KLHL23: variants seen among roughly 807,000 people sequenced by gnomAD.
KLHL23 encodes kelch like family member 23.
In KLHL23, 33 loss-of-function variants were observed where a neutral mutation model predicts 48.9. The ratio of observed to expected loss-of-function variants is 0.67; its 90% confidence interval spans 0.51 to 0.90. The LOEUF is 0.90. Among genes scored for constraint, KLHL23 ranks in the 40% least tolerant of loss-of-function variants. The pLI is 0.00. For synonymous variants in KLHL23, 234 were observed against 231.6 expected, an observed-to-expected ratio of 1.01 and a Z score of -0.09; for missense variants, 608 against 669.6, an observed-to-expected ratio of 0.91 and a Z score of 1.02.
At position 169,750,354 on chromosome 2, in the gene KLHL23, A is replaced by G. The variant is rs556975006; in HGVS notation, c.*622A>G. 4.6e-5 allele frequency: 7 copies of G among 152,618 alleles called. No individual in the cohort carries two copies. The highest frequency in any genetic ancestry group is 2.0e-4 in the Admixed American group (3 of 15,264). 9.5% of individuals were successfully genotyped at this position (152,618 alleles called of 1,614,324 possible). On this transcript the variant is annotated 3_prime_UTR_variant, in exon 4 of 4. Transcript: ENST00000392647. ...GAGCCTATAATATAGTAGATAGTGC[A>G]TATTAAGATGTCTGGCTGGGCATGG...
At position 169,736,061 on chromosome 2, in the gene KLHL23, G is replaced by C; in HGVS notation, c.1047G>C (p.Trp349Cys). ...VWIYNSESDE[W>C]TEGLPMLNAR... Reference sequence around the variant, plus strand: ...TCTATAACAGTGAAAGTGATGAATGGACAGAAGGTTTGCCAATGCTCAATG... The same window carrying C: ...TCTATAACAGTGAAAGTGATGAATGCACAGAAGGTTTGCCAATGCTCAATG... The change falls in exon 2 of 4, where the codon TGG becomes TGC. Residue 349 changes from tryptophan to cysteine, a missense_variant. By Grantham distance (215) the Trp-to-Cys change is radical (BLOSUM62 -2). Around this residue, in one of 3 missense-constraint regions of KLHL23, gnomAD observed 419 missense variants for 473.1 expected, o/e 0.89. Transcript: ENST00000392647. 6.2e-7 allele frequency: 1 copy of C among 1,613,978 alleles called. No individual in the cohort carries two copies. Among genetic ancestry groups the C allele is most frequent in the Non-Finnish European group, 8.5e-7 (1 of 1,179,968 alleles).
chr2:169,745,200 GC>G (rs1688765791), intron 3 of KLHL23, among the ~76,000 whole-genome samples: 1 of 151,934 alleles, frequency 6.6e-6, no homozygotes, highest in South Asian at 2.1e-4. Flanking sequence ...ACTGCACCTG[GC>G]CCAGCTCTGG....
chr2:169,748,914 T>G (rs1688873614), intron 3 of KLHL23, among the ~76,000 whole-genome samples: 1 of 152,088 alleles, frequency 6.6e-6, no homozygotes, highest in Non-Finnish European at 1.5e-5. Flanking sequence ...CTTTAGCTTC[T>G]TGAGTTCATA....
chr2:169,745,639 A>G (rs908399978), intron 3 of KLHL23, among the ~76,000 whole-genome samples: 12 of 152,040 alleles, frequency 7.9e-5, no homozygotes, highest in African/African-American at 2.9e-4. Context: ...AGCCTGAAGA[A>G]GTGGTAGGAG....
chr2:169,751,482 ATTCTAC>A lies in KLHL23; in HGVS notation c.*1756_*1761del, dbSNP rs1246012952. 3 of 152,240 alleles carry A rather than the reference ATTCTAC, an allele frequency of 2.0e-5. No homozygotes were observed. The highest frequency in any genetic ancestry group is 2.0e-4 in the Admixed American group (3 of 15,286). 9.4% of individuals were successfully genotyped at this position (152,240 alleles called of 1,614,324 possible). A position where few individuals can be genotyped will look rare whatever the true frequency, so the allele number is the denominator to read the frequency against. On this transcript the variant is annotated 3_prime_UTR_variant, in exon 4 of 4. Coordinates refer to ENST00000392647, the MANE Select transcript of KLHL23 (RefSeq NM_144711.6). The stretch of plus-strand genomic sequence containing the variant: ...AATGACCATATCCTTTGCCCCATAA[ATTCTAC>A]TTCTATACTTTTAACCTTAAAAATA...
At chr2:169,747,851 C>T (rs933817223) in intron 3 of KLHL23, among the ~76,000 whole-genome samples, 1 of 152,076 alleles carries the variant, frequency 6.6e-6, no homozygotes, top group Non-Finnish European at 1.5e-5. Flanking sequence ...AAGAAACACA[C>T]CTGGCTCACA....
chr2:169,738,012 G>A (rs550049028), intron 2 of KLHL23, among the ~76,000 whole-genome samples: 1 of 152,346 alleles, frequency 6.6e-6, no homozygotes, highest in African/African-American at 2.4e-5. Flanking sequence ...TGTATCTACT[G>A]TGAAACAAAA....
intron 3 of KLHL23, among the ~76,000 whole-genome samples, chr2:169,745,680 A>G (rs1001932640): frequency 3.3e-5 from 5 of 152,172 alleles, no homozygotes; most frequent in African/African-American, 9.7e-5. Context: ...GAGGAATGTC[A>G]TAGATTCAAC....
In KLHL23 at chr2:169,735,023, A is replaced by C. The variant is rs1458927352; in HGVS notation, c.9A>C (p.Leu3=). The C allele has an allele frequency of 6.5e-7, 1 of 1,541,432 alleles. No individual in the cohort carries two copies. The highest frequency in any genetic ancestry group is 8.7e-7 in the Non-Finnish European group (1 of 1,149,620). Residue 3 remains leucine, a synonymous_variant, in exon 2 of 4, where the codon CTA becomes CTC. Transcript: ENST00000392647. The surrounding 1 kb of genome is among the most constrained non-coding windows in gnomAD (Gnocchi z 4.5). ...TCATATTTATTGCAGCCATGGCTCT[A>C]AAAGGACAAGAAGATTATATTTATC... is the stretch of plus-strand genomic sequence containing the variant. MA[L]KGQEDYIYLF... is the part of the protein sequence containing the mutation.
rs555947859 is a variant in KLHL23 at position 169,749,475 on chromosome 2, C to T, written c.1420C>T (p.Gln474Ter). 2 of 1,613,926 alleles carry T rather than the reference C, an allele frequency of 1.2e-6. No individual in the cohort carries two copies. Among genetic ancestry groups the T allele is most frequent in the South Asian group, 2.2e-5 (2 of 91,060 alleles). Residue 474 changes from glutamine (Q) to a stop codon, truncating the protein, a stop_gained, in exon 4 of 4, where the codon CAA (glutamine) becomes TAA (stop). Transcript: ENST00000392647. LOFTEE classifies it high-confidence loss of function. ...FENKLYLVGG[Q>*]TTITECYDPE... ...AAATAAGCTCTATCTAGTCGGCGGA[C>T]AAACTACAATCACAGAATGCTATGA...
rs148400861 is a variant in KLHL23, at chr2:169,747,215, T to C, written c.1367-2207T>C. 9.1e-3 allele frequency among the ~76,000 whole-genome samples: 1,374 copies of C among 151,738 alleles called. 10 individuals are homozygous for C. The highest frequency in any genetic ancestry group is 0.014 in the Non-Finnish European group (959 of 67,906). ...CCCATCTCTATTAAAAATACAAAAATTAGCCAGGCATGGTGGTGCGCACCC... is the reference window on the plus strand; with the variant it reads ...CCCATCTCTATTAAAAATACAAAAACTAGCCAGGCATGGTGGTGCGCACCC... On this transcript the variant is annotated intron_variant, in intron 3 of 3. Coordinates refer to ENST00000392647, the MANE Select transcript of KLHL23 (RefSeq NM_144711.6).
In KLHL23 at chr2:169,751,464, A is replaced by G. The variant is rs1396588863; in HGVS notation, c.*1732A>G. The G allele has an allele frequency of 1.3e-5, 2 of 152,222 alleles. No homozygotes were observed. The highest frequency in any genetic ancestry group is 3.8e-4 in the East Asian group (2 of 5,202). The allele number at this position is 152,222 out of a possible 1,614,324, so 9.4% of individuals were successfully genotyped here. A position where few individuals can be genotyped will look rare whatever the true frequency, so the allele number is the denominator to read the frequency against. On this transcript the variant is annotated 3_prime_UTR_variant, in exon 4 of 4. Coordinates refer to ENST00000392647, the MANE Select transcript of KLHL23 (RefSeq NM_144711.6). Reference sequence around the variant, plus strand: ...CATAGCAAGGGCTGTAAAAATGACCATATCCTTTGCCCCATAAATTCTACT... The same window carrying G: ...CATAGCAAGGGCTGTAAAAATGACCGTATCCTTTGCCCCATAAATTCTACT...
chr2:169,742,018 A>T (rs1225392622), intron 3 of KLHL23, among the ~76,000 whole-genome samples: 1 of 152,196 alleles, frequency 6.6e-6, no homozygotes, highest in Non-Finnish European at 1.5e-5. Flanking sequence ...GCAGAGCCAT[A>T]TGTTGGCCTT....
At chr2:169,746,868 T>A (rs796378746) in intron 3 of KLHL23, among the ~76,000 whole-genome samples, 1 of 152,346 alleles carries the variant, frequency 6.6e-6, no homozygotes, top group South Asian at 2.1e-4. Context: ...ACTATCATTT[T>A]CACAATAACC....
chr2:169,736,266 T>G, intron 2 of KLHL23, 39 bp downstream of exon 2: 1 of 1,548,544 alleles, frequency 6.5e-7, no homozygotes, highest in Non-Finnish European at 8.7e-7. Context: ...TTTTTAGATG[T>G]CTGGAGCTAG....
Position 169,735,546 on chromosome 2 carries a change from A to C in KLHL23, c.532A>C (p.Ile178Leu), listed in dbSNP as rs780075436. 2 of 1,613,714 alleles carry C rather than the reference A, an allele frequency of 1.2e-6. No homozygotes were observed. Among genetic ancestry groups the C allele is most frequent in the South Asian group, 2.2e-5 (2 of 90,950 alleles). ...EVWQQEEFLE[I>L]SLEKFLFILS... ...GTGGCAACAAGAAGAATTTCTGGAAATCAGCCTTGAAAAGTTTCTCTTTAT... is the reference window on the plus strand; with the variant it reads ...GTGGCAACAAGAAGAATTTCTGGAACTCAGCCTTGAAAAGTTTCTCTTTAT... The change falls in exon 2 of 4, where the codon ATC becomes CTC. Residue 178 changes from isoleucine to leucine, a missense_variant. Ile to Leu is a conservative substitution (Grantham distance 5). Coordinates refer to ENST00000392647, the MANE Select transcript of KLHL23 (RefSeq NM_144711.6). The surrounding 1 kb of genome is among the most constrained non-coding windows in gnomAD (Gnocchi z 4.5).
At chr2:169,734,927 C>G in intron 1 of KLHL23, 86 bp from the exon 2 acceptor site, 1 of 1,470,646 alleles carries the variant, frequency 6.8e-7, no homozygotes, top group Middle Eastern at 2.6e-4. Flanking sequence ...TGGAGTATAT[C>G]CGATGATAGT....
At chr2:169,738,457 T>C (rs1279853626) in intron 2 of KLHL23, among the ~76,000 whole-genome samples, 1 of 152,162 alleles carries the variant, frequency 6.6e-6, no homozygotes, top group Non-Finnish European at 1.5e-5. Flanking sequence ...AACATTTTTT[T>C]CAATTCGTTT....
chr2:169,748,609 A>C (rs1222230903), intron 3 of KLHL23, among the ~76,000 whole-genome samples: 1 of 152,096 alleles, frequency 6.6e-6, no homozygotes, highest in Non-Finnish European at 1.5e-5. Flanking sequence ...GCCTCCCTGC[A>C]TTTTGCACCC....
Sources: allele counts gnomAD v4.1 joint callset (sites outside exome capture counted in the v4.1 genomes callset), GRCh38; gene constraint gnomAD v4.1.1; regional missense constraint gnomAD v4.1.1; non-coding constraint Gnocchi (gnomAD v3.1); transcripts MANE v1.5; gene names NCBI Gene and HGNC (gene_info 2026-07-23, HGNC 2026-07-21).